INTS7: variants seen among roughly 807,000 people sequenced by gnomAD.
The protein encoded by INTS7 is chromosome 1 open reading frame 73.
In INTS7, 46 loss-of-function variants were observed where a neutral mutation model predicts 109.2. The ratio of observed to expected loss-of-function variants is 0.42; its 90% CI spans 0.33 to 0.54. INTS7 has a LOEUF of 0.54. INTS7 is among the 20% of genes least tolerant of loss of function. INTS7 has a pLI of 0.07. For missense variants in INTS7, 929 were observed against 1,132.4 expected, an observed-to-expected ratio of 0.82 and a Z score of 2.58; for synonymous variants, 412 against 402.9, an observed-to-expected ratio of 1.02 and a Z score of -0.27.
At chr1:211,960,438 G>A (rs1663567278) in intron 16 of INTS7, among the ~76,000 whole-genome samples, 1 of 152,144 alleles carries the variant, frequency 6.6e-6, no homozygotes, top group Non-Finnish European at 1.5e-5. Flanking sequence ...TCTCCAGCAA[G>A]CGTTCTGAAC....
intron 16 of INTS7, among the ~76,000 whole-genome samples, chr1:211,960,393 A>C (rs1571851289): frequency 6.6e-6 from 1 of 152,232 alleles, no homozygotes; most frequent in East Asian, 1.9e-4. Context: ...TCAAAAAGCC[A>C]GAATGCCTTT....
rs542949138 is a variant in INTS7 at position 211,957,524 on chromosome 1, C to T, written c.2184-4823G>A. 2.0e-4 allele frequency among the ~76,000 whole-genome samples: 30 copies of T among 152,068 alleles called. 1 individual carries two copies. In the South Asian group the frequency reaches 5.6e-3, roughly 29 times the overall value. On this transcript the variant is annotated intron_variant, in intron 16 of 19. Coordinates refer to ENST00000366994, the MANE Select transcript of INTS7 (RefSeq NM_015434.4). Reference sequence around the variant, plus strand: ...TCACACCACTGTACTCCAGCCTGGGCGACAGAGAGAGGATCCGTCTCAAAA... The same window carrying T: ...TCACACCACTGTACTCCAGCCTGGGTGACAGAGAGAGGATCCGTCTCAAAA...
chr1:212,016,905 T>G lies in INTS7; in HGVS notation c.490A>C (p.Asn164His), dbSNP rs748574162. 1 of 1,607,306 alleles carries G rather than the reference T, an allele frequency of 6.2e-7. No individual in the cohort carries two copies. Among genetic ancestry groups the G allele is most frequent in the African/African-American group, 1.3e-5 (1 of 74,306 alleles). Residue 164 changes from asparagine (N) to histidine (H), a missense_variant, in exon 4 of 20, where the codon AAC becomes CAC. Asn to His is a moderately conservative substitution (Grantham distance 68). Coordinates refer to ENST00000366994, the MANE Select transcript of INTS7 (RefSeq NM_015434.4). The stretch of plus-strand genomic sequence containing the variant: ...GCTTACTTTGACTGTGCAGAGAAGT[T>G]TGCAGCAGCAAAAACAGCAGCTTCA... ...EVEAAVFAAA[N>H]FSAQSKDFAV... is the part of the protein sequence containing the mutation.
At chr1:212,025,985 G>A (rs894316408) in intron 1 of INTS7, among the ~76,000 whole-genome samples, 2 of 151,956 alleles carry the variant, frequency 1.3e-5, no homozygotes, top group Non-Finnish European at 1.5e-5. Context: ...GTAAAACCCC[G>A]TTTAAATACA....
At chr1:211,951,650 G>A (rs971000628) in intron 17 of INTS7, among the ~76,000 whole-genome samples, 9 of 152,120 alleles carry the variant, frequency 5.9e-5, no homozygotes, top group Non-Finnish European at 1.3e-4. Context: ...CAGAGCTCTC[G>A]ATCTCTCCCT....
In INTS7 at chr1:211,978,519, C is replaced by G. The variant is rs1220306285; in HGVS notation, c.1231-8G>C. 6.2e-7 allele frequency: 1 copy of G among 1,612,894 alleles called. No individual in the cohort carries two copies. Among genetic ancestry groups the G allele is most frequent in the Non-Finnish European group, 8.5e-7 (1 of 1,179,520 alleles). ...CATACAGTTTAGAGCAATCTGCACG[C>G]CAAAAAGAAAATGAACTAGTTACAT... is the stretch of plus-strand genomic sequence containing the variant. On this transcript the variant is annotated splice_polypyrimidine_tract_variant and splice_region_variant and intron_variant, in intron 10 of 19. Transcript: ENST00000366994.
Position 211,941,241 on chromosome 1 carries a change from A to G in INTS7, c.*583T>C, listed in dbSNP as rs1322040243. On this transcript the variant is annotated 3_prime_UTR_variant, in exon 20 of 20. Transcript: ENST00000366994. Reference sequence around the variant, plus strand: ...GGAAGAGTAGCGGTCAAATTTACCAATTCAGTGATCTCAACATGTGACTAT... The same window carrying G: ...GGAAGAGTAGCGGTCAAATTTACCAGTTCAGTGATCTCAACATGTGACTAT... 6.6e-6 allele frequency: 1 copy of G among 152,494 alleles called. No individual in the cohort carries two copies. Among genetic ancestry groups the G allele is most frequent in the Non-Finnish European group, 1.5e-5 (1 of 68,248 alleles). The allele number at this position is 152,494 out of a possible 1,614,324, so 9.4% of individuals were successfully genotyped here.
Position 211,975,355 on chromosome 1 carries a change from G to C in INTS7, c.1626C>G (p.Ala542=), listed in dbSNP as rs1324757038. 1.9e-6 allele frequency: 3 copies of C among 1,613,570 alleles called. No homozygotes were observed. Among genetic ancestry groups the C allele is most frequent in the Non-Finnish European group, 2.5e-6 (3 of 1,179,720 alleles). ...TCAGCAAACTCTGATAAAGCTCTTT[G>C]GCCATGTCATGATTACCCTAAAAAC... ...QASRMGNHDM[A]KELYQSLLTQ... is the part of the protein sequence containing the mutation. The change falls in exon 13 of 20, where the codon GCC becomes GCG. Residue 542 remains alanine (A), a synonymous_variant. Transcript: ENST00000366994.
At chr1:212,034,674 C>A (rs1667339321) in intron 1 of INTS7, among the ~76,000 whole-genome samples, 1 of 152,162 alleles carries the variant, frequency 6.6e-6, no homozygotes, top group Non-Finnish European at 1.5e-5. Flanking sequence ...TCACTTAATA[C>A]AATTCTGCCG....
chr1:212,010,639 T>C (rs1163387767), intron 5 of INTS7, among the ~76,000 whole-genome samples: 1 of 152,184 alleles, frequency 6.6e-6, no homozygotes, highest in Admixed American at 6.5e-5. Context: ...CCTAGTAACT[T>C]CATAGACCCT....
At chr1:211,951,635 G>C (rs111623603) in intron 17 of INTS7, among the ~76,000 whole-genome samples, 1 of 152,154 alleles carries the variant, frequency 6.6e-6, no homozygotes, top group Non-Finnish European at 1.5e-5. Context: ...AAGAGGAAGA[G>C]TGACCAGAGC....
At chr1:211,945,988 G>C (rs1368983835) in intron 18 of INTS7, among the ~76,000 whole-genome samples, 2 of 152,174 alleles carry the variant, frequency 1.3e-5, no homozygotes, top group African/African-American at 4.8e-5. Context: ...CTCAGCTCAA[G>C]ATCCTTGCAG....
intron 19 of INTS7, among the ~76,000 whole-genome samples, chr1:211,943,395 T>C (rs1004637376): frequency 6.6e-6 from 1 of 152,092 alleles, no homozygotes; most frequent in Non-Finnish European, 1.5e-5. Context: ...AAGAGAATCA[T>C]GGTTACTACT....
At chr1:212,022,984 A>C (rs1009759629) in intron 1 of INTS7, among the ~76,000 whole-genome samples, 1 of 152,142 alleles carries the variant, frequency 6.6e-6, no homozygotes, top group Non-Finnish European at 1.5e-5. Flanking sequence ...GCTCCCACTT[A>C]TAAGTGAGAA....
chr1:211,992,444 T>C (rs1333703411), intron 7 of INTS7, among the ~76,000 whole-genome samples: 2 of 152,178 alleles, frequency 1.3e-5, no homozygotes, highest in East Asian at 1.9e-4. Flanking sequence ...TAGCACATTA[T>C]TGGGAACCTA....
intron 16 of INTS7, among the ~76,000 whole-genome samples, chr1:211,961,877 G>A (rs1295660399): frequency 6.6e-6 from 1 of 152,100 alleles, no homozygotes; most frequent in Non-Finnish European, 1.5e-5. Context: ...TAGAGCTCCT[G>A]AAGGAAGCAC....
chr1:211,974,660 C>T (rs1255292116), intron 13 of INTS7, among the ~76,000 whole-genome samples: 1 of 151,890 alleles, frequency 6.6e-6, no homozygotes, highest in Admixed American at 6.6e-5. Flanking sequence ...TCTTTGCAAC[C>T]CTTTCATTTT....
At position 211,949,536 on chromosome 1, in the gene INTS7, A is replaced by G. The variant is rs182563876; in HGVS notation, c.2317-2831T>C. Among the ~76,000 whole-genome samples the G allele has an allele frequency of 5.9e-3, 891 of 152,258 alleles. 10 individuals carry two copies. Among genetic ancestry groups the G allele is most frequent in the African/African-American group, 0.02 (838 of 41,514 alleles). On this transcript the variant is annotated intron_variant, in intron 17 of 19. Transcript: ENST00000366994. The stretch of plus-strand genomic sequence containing the variant: ...TTTTCACTAAATATCTCTCATATAT[A>G]TCTATTTTTCTCATTCCTACTGCCA...
intron 8 of INTS7, among the ~76,000 whole-genome samples, chr1:211,983,910 C>A (rs550272723): frequency 6.6e-6 from 1 of 151,198 alleles, no homozygotes; most frequent in African/African-American, 2.4e-5. Context: ...TGCAGTGGTG[C>A]GATCATGGCC....
Sources: allele counts gnomAD v4.1 joint callset (sites outside exome capture counted in the v4.1 genomes callset), GRCh38; gene constraint gnomAD v4.1.1; transcripts MANE v1.5; gene names NCBI Gene and HGNC (gene_info 2026-07-23, HGNC 2026-07-21).